The following LUC7L variants were observed in gnomAD, a reference collection of about 807,000 sequenced individuals.
The protein encoded by LUC7L is putative RNA-binding protein Luc7-like 1.
In LUC7L, 29 loss-of-function variants were observed where a neutral mutation model predicts 51.1. That is an observed-to-expected ratio of 0.57 (90% CI 0.42 to 0.77). LUC7L has a LOEUF of 0.77. Among genes scored for constraint, LUC7L ranks in the 30% least tolerant of loss-of-function variants. The probability of loss-of-function intolerance (pLI) is 0.00; values close to 1 mark genes in which losing one functional copy is unlikely to be tolerated. For synonymous variants in LUC7L, 181 were observed against 180.7 expected (o/e 1.00, Z -0.01); for missense variants, 403 against 511.9 (o/e 0.79, Z 2.05).
At chr16:216,387 T>C (rs527685532) in intron 3 of LUC7L, among the ~76,000 whole-genome samples, 3 of 148,290 alleles carry the variant, frequency 2.0e-5, no homozygotes, top group Non-Finnish European at 4.5e-5. Context: ...GTTGTTTTTT[T>C]TTTTTTTTTT....
intron 1 of LUC7L, chr16:228,163 G>C: frequency 8.1e-7 from 1 of 1,231,646 alleles, no homozygotes; most frequent in East Asian, 5.7e-5. Flanking sequence ...ACAACACAGA[G>C]CTGTGCAACG....
chr16:193,016 C>G lies in LUC7L; in HGVS notation c.688-1G>C, dbSNP rs1033316968. On this transcript the variant is annotated splice_acceptor_variant, in intron 6 of 9. Coordinates refer to ENST00000293872, the MANE Select transcript of LUC7L (RefSeq NM_201412.3). LOFTEE classifies it high-confidence loss of function. ...TCTCCTGCTTTTCAGCGACAGTTTT[C>G]TAAATAAATGAAACAAAAAATGAGG... 6.8e-6 allele frequency: 11 copies of G among 1,611,902 alleles called. No homozygotes were observed. The highest frequency in any genetic ancestry group is 9.3e-6 in the Non-Finnish European group (11 of 1,179,686).
intron 3 of LUC7L, among the ~76,000 whole-genome samples, chr16:216,766 G>C (rs2049813265): frequency 6.6e-6 from 1 of 152,112 alleles, no homozygotes; most frequent in South Asian, 2.1e-4. Flanking sequence ...AGTAACTCTT[G>C]TATATTGTAC....
chr16:227,990 T>A, intron 1 of LUC7L: 1 of 1,107,304 alleles, frequency 9.0e-7, no homozygotes. Flanking sequence ...ACTGTACCCA[T>A]CTGCATTCTT....
At chr16:207,737 C>T (rs532499839) in intron 4 of LUC7L, among the ~76,000 whole-genome samples, 141 of 152,218 alleles carry the variant, frequency 9.3e-4, no homozygotes, top group South Asian at 4.6e-3. Context: ...ACGCCGGGCG[C>T]GGTGGCTCAC....
intron 4 of LUC7L, among the ~76,000 whole-genome samples, chr16:207,231 T>G (rs2049508939): frequency 6.6e-6 from 1 of 151,890 alleles, no homozygotes; most frequent in Non-Finnish European, 1.5e-5. Flanking sequence ...AATAATTTTT[T>G]TTTCTTTTGA....
At chr16:204,228 G>A (rs557040196) in intron 5 of LUC7L, among the ~76,000 whole-genome samples, 4 of 151,446 alleles carry the variant, frequency 2.6e-5, no homozygotes, top group African/African-American at 9.7e-5. Context: ...CGGATCACCT[G>A]AGGTCAGAAG....
chr16:199,023 C>T (rs8055546), intron 6 of LUC7L, 39 bp downstream of exon 6: 99,035 of 1,558,720 alleles, frequency 0.064, 3,359 homozygotes, highest in Middle Eastern at 0.079. Flanking sequence ...GAAAACACCC[C>T]AAGACTCCTC....
At chr16:223,125 C>A (rs1436294797) in intron 2 of LUC7L, among the ~76,000 whole-genome samples, 1 of 150,784 alleles carries the variant, frequency 6.6e-6, no homozygotes, top group Non-Finnish European at 1.5e-5. Context: ...TTTGGGAGGC[C>A]GAGGCGGGCG....
intron 3 of LUC7L, among the ~76,000 whole-genome samples, chr16:212,859 C>T (rs2049683939): frequency 6.6e-6 from 1 of 151,880 alleles, no homozygotes. Context: ...CTCACTTTAG[C>T]GTTGACCTCT....
intron 3 of LUC7L, among the ~76,000 whole-genome samples, chr16:217,141 C>T (rs1046303398): frequency 1.8e-4 from 27 of 152,050 alleles, no homozygotes; most frequent in Non-Finnish European, 3.4e-4. Flanking sequence ...CTCAGTCTCC[C>T]GAGTAGTTGG....
chr16:190,750 G>A lies in LUC7L; in HGVS notation c.777-180C>T, dbSNP rs1036426877. The A allele has an allele frequency of 3.3e-5, 20 of 601,436 alleles. No homozygotes were observed. The South Asian group carries it at 3.7e-4, about 11-fold the overall frequency. 37.3% of individuals were successfully genotyped at this position (601,436 alleles called of 1,614,324 possible). A position where few individuals can be genotyped will look rare whatever the true frequency, so the allele number is the denominator to read the frequency against. ...CAAAACCTGGCCAGGCGTGGTGGCG[G>A]GTGCCTGTAATCCCAGCTACTCAGG... On this transcript the variant is annotated intron_variant, in intron 7 of 9. Coordinates refer to ENST00000293872, the MANE Select transcript of LUC7L (RefSeq NM_201412.3).
At chr16:204,533 G>A (rs568385132) in intron 5 of LUC7L, among the ~76,000 whole-genome samples, 3 of 151,674 alleles carry the variant, frequency 2.0e-5, no homozygotes, top group South Asian at 2.1e-4. Flanking sequence ...AGCGGAGCTT[G>A]CAGTGAACTG....
Position 189,666 on chromosome 16 carries a change from G to T in LUC7L, c.974+302C>A, listed in dbSNP as rs906856207. 4.6e-5 allele frequency: 61 copies of T among 1,328,512 alleles called. 1 individual carries two copies. The East Asian group carries it at 1.7e-3, about 36-fold the overall frequency. 82.3% of individuals were successfully genotyped at this position (1,328,512 alleles called of 1,614,324 possible). A position where few individuals can be genotyped will look rare whatever the true frequency, so the allele number is the denominator to read the frequency against. ...AATATCAAAAACAAAAACCAAAACA[G>T]AGGTAAGCAGGGCCTGGTCAGGACA... is the stretch of plus-strand genomic sequence containing the variant. On this transcript the variant is annotated intron_variant, in intron 9 of 9. Transcript: ENST00000293872.
Position 215,649 on chromosome 16 carries a change from G to A in LUC7L, c.255+5000C>T, listed in dbSNP as rs1218375738. Among the ~76,000 whole-genome samples the A allele has an allele frequency of 3.3e-5, 5 of 149,558 alleles. No homozygotes were observed. The East Asian group carries it at 7.9e-4, about 24-fold the overall frequency. ...AAAAAAAAAAAAAAAAGAAAATACAGAAAATTGGCCAGGTGTGGTGACATG... is the reference window on the plus strand; with the variant it reads ...AAAAAAAAAAAAAAAAGAAAATACAAAAAATTGGCCAGGTGTGGTGACATG... On this transcript the variant is annotated intron_variant, in intron 3 of 9. Transcript: ENST00000293872.
At chr16:198,134 C>T (rs1159715091) in intron 6 of LUC7L, among the ~76,000 whole-genome samples, 1 of 151,710 alleles carries the variant, frequency 6.6e-6, no homozygotes, top group Non-Finnish European at 1.5e-5. Flanking sequence ...CAAAAATTAG[C>T]CGGGCGTGGT....
rs1467917162 is a variant in LUC7L, at chr16:189,189, G to A, written c.*9C>T. ...TTATCAGACTATTTACAGCACCCGGGAGACGGGTTCAGATCTCGCCGGCCT... is the reference window on the plus strand; with the variant it reads ...TTATCAGACTATTTACAGCACCCGGAAGACGGGTTCAGATCTCGCCGGCCT... On this transcript the variant is annotated 3_prime_UTR_variant, in exon 10 of 10. Coordinates refer to ENST00000293872, the MANE Select transcript of LUC7L (RefSeq NM_201412.3). 6.2e-7 allele frequency: 1 copy of A among 1,610,936 alleles called. No individual in the cohort carries two copies. The highest frequency in any genetic ancestry group is 2.2e-5 in the East Asian group (1 of 44,806).
chr16:226,987 T>C (rs1018548342), intron 2 of LUC7L, among the ~76,000 whole-genome samples: 3 of 152,076 alleles, frequency 2.0e-5, no homozygotes, highest in African/African-American at 4.8e-5. Flanking sequence ...GGTGGTAGGA[T>C]TGCTGGAGCC....
chr16:225,677 G>C (rs1280643411), intron 2 of LUC7L, among the ~76,000 whole-genome samples: 1 of 151,174 alleles, frequency 6.6e-6, no homozygotes, highest in Non-Finnish European at 1.5e-5. Flanking sequence ...TAGAGACAGG[G>C]TTTATCTATG....
Sources: gnomAD v4.1 joint callset for allele counts (sites outside exome capture counted in the v4.1 genomes callset) on GRCh38, gnomAD v4.1.1 for gene constraint, MANE v1.5 for transcripts, NCBI Gene and HGNC (gene_info 2026-07-23, HGNC 2026-07-21) for gene names.